Variants in SEM1 observed in about 807,000 individuals in gnomAD.
SEM1 encodes 26S proteasome complex subunit SEM1.
A neutral mutation model predicts 12.7 loss-of-function variants in SEM1; 3 were observed. The observed-to-expected ratio is 0.24, with a 90% CI of 0.11 to 0.61. The LOEUF (loss-of-function observed/expected upper bound fraction) is 0.61, where lower values mean the gene tolerates loss of function less well. SEM1 is among the 20% of genes least tolerant of loss of function. The pLI, the probability that SEM1 is intolerant of heterozygous loss-of-function variation, is 0.88. For missense variants in SEM1, 59 were observed against 81.3 expected (o/e 0.73, Z 1.06); for synonymous variants, 30 against 27.8 (o/e 1.08, Z -0.25).
intron 2 of SEM1, among the ~76,000 whole-genome samples, chr7:96,538,944 A>G (rs889819016): frequency 4.0e-5 from 6 of 151,848 alleles, no homozygotes; most frequent in Non-Finnish European, 7.4e-5. Flanking sequence ...CAGATTTTCA[A>G]TGTGAGAACC....
chr7:96,670,175 AAAT>A (rs1470498249), downstream of SEM1, among the ~76,000 whole-genome samples: 8 of 152,204 alleles, frequency 5.3e-5, no homozygotes, highest in African/African-American at 1.9e-4. Flanking sequence ...TATTACTAAT[AAAT>A]AACAAAATCT....
At chr7:96,561,489 C>T (rs1429564258) in intron 2 of SEM1, among the ~76,000 whole-genome samples, 1 of 152,198 alleles carries the variant, frequency 6.6e-6, no homozygotes, top group African/African-American at 2.4e-5. Flanking sequence ...ATGGCAGAGG[C>T]TCTCAAACCT....
chr7:96,498,016 G>A (rs1271395398), upstream of SEM1, among the ~76,000 whole-genome samples: 1 of 152,126 alleles, frequency 6.6e-6, no homozygotes, highest in African/African-American at 2.4e-5. Flanking sequence ...AGTAATAATT[G>A]CTAAAATTTA....
chr7:96,706,489 G>C (rs975006796), intron 1 of SEM1: 4 of 150,092 alleles, frequency 2.7e-5, no homozygotes, highest in African/African-American at 9.8e-5. Flanking sequence ...TTGAACCCAG[G>C]AGGTGGAGGT....
intron 2 of SEM1, among the ~76,000 whole-genome samples, chr7:96,510,551 C>T (rs1214912003): frequency 6.6e-6 from 1 of 152,116 alleles, no homozygotes; most frequent in African/African-American, 2.4e-5. Flanking sequence ...CTGACCAAAG[C>T]ATGGTTATGT....
In SEM1 at chr7:96,643,281, C is replaced by T. The variant is rs546695920; in HGVS notation, c.171-20638G>A. On this transcript the variant is annotated intron_variant, in intron 2 of 2. Transcript: ENST00000417009. ...TCCATGTTCCTGCAAAGGGCATGAT[C>T]TCATTCTTTTGTATGGCTGCATGGT... Among the ~76,000 whole-genome samples, 7 of 152,228 alleles carry T rather than the reference C, an allele frequency of 4.6e-5. No homozygotes were observed. The South Asian group carries it at 1.4e-3, about 32-fold the overall frequency.
At chr7:96,673,914 G>A in intron 2 of SEM1, 4 of 751,142 alleles carry the variant, frequency 5.3e-6, no homozygotes, top group African/African-American at 1.7e-5. Context: ...ACTGTGATCT[G>A]TGGGCTGCTT....
chr7:96,585,925 C>G (rs887626039), intron 2 of SEM1, among the ~76,000 whole-genome samples: 3 of 152,222 alleles, frequency 2.0e-5, no homozygotes, highest in African/African-American at 7.2e-5. Context: ...AATCACCCGT[C>G]TTCTGCATCA....
intron 2 of SEM1, among the ~76,000 whole-genome samples, chr7:96,529,402 A>G (rs1804573094): frequency 6.6e-6 from 1 of 152,160 alleles, no homozygotes; most frequent in Non-Finnish European, 1.5e-5. Context: ...TAATAACACC[A>G]TTGTGTATTT....
intron 2 of SEM1, among the ~76,000 whole-genome samples, chr7:96,554,843 G>T (rs1245409707): frequency 6.6e-6 from 1 of 151,028 alleles, no homozygotes; most frequent in African/African-American, 2.4e-5. Flanking sequence ...TTTTTGGTTG[G>T]TAAGCTATTG....
downstream of SEM1, among the ~76,000 whole-genome samples, chr7:96,684,049 G>A (rs944575243): frequency 3.3e-5 from 5 of 151,890 alleles, no homozygotes; most frequent in South Asian, 2.1e-4. Context: ...AAATAAGGAC[G>A]TTTGTAGGCT....
intron 2 of SEM1, chr7:96,650,542 G>T: frequency 1.3e-6 from 1 of 744,260 alleles, no homozygotes; most frequent in Non-Finnish European, 2.5e-6. Context: ...AGGAGAGAAA[G>T]ATAAGAAATT....
At chr7:96,551,270 T>C (rs1805261113) in intron 2 of SEM1, among the ~76,000 whole-genome samples, 1 of 152,168 alleles carries the variant, frequency 6.6e-6, no homozygotes, top group South Asian at 2.1e-4. Context: ...CCCATTCCCC[T>C]AAAGATATGT....
intron 2 of SEM1, among the ~76,000 whole-genome samples, chr7:96,587,825 C>T (rs1296839506): frequency 6.6e-6 from 1 of 152,052 alleles, no homozygotes; most frequent in Non-Finnish European, 1.5e-5. Context: ...ATGTAATATA[C>T]TCACATATTA....
intron 2 of SEM1, among the ~76,000 whole-genome samples, chr7:96,557,553 T>C (rs192211382): frequency 0.12 from 8,738 of 70,488 alleles, 1,676 homozygotes; most frequent in African/African-American, 0.28. Flanking sequence ...CCCGTTCTCG[T>C]ATTTCCAGCT....
At chr7:96,619,628 G>GTA (rs922811493), downstream of SEM1, among the ~76,000 whole-genome samples, 5 of 152,070 alleles carry the variant, frequency 3.3e-5, no homozygotes, top group Non-Finnish European at 7.4e-5. Flanking sequence ...ATGTGGGTGT[G>GTA]TTCTCAGACC....
rs149454260 is a variant in SEM1, at chr7:96,538,599, A to G, written c.171-31901T>C. On this transcript the variant is annotated intron_variant and NMD_transcript_variant, in intron 2 of 3. Transcript: ENST00000466986. ...TCTATGTCTTGCAGCTCTTTCAGCT[A>G]TGATCTACTATTATACTGAAGCCCT... Among the ~76,000 whole-genome samples the G allele has an allele frequency of 2.6e-5, 4 of 151,978 alleles. No homozygotes were observed. In the East Asian group the frequency reaches 7.8e-4, roughly 29 times the overall value.
chr7:96,677,243 A>G (rs1290836238), intron 2 of SEM1, among the ~76,000 whole-genome samples: 1 of 152,178 alleles, frequency 6.6e-6, no homozygotes, highest in South Asian at 2.1e-4. Flanking sequence ...GGAGAAGATA[A>G]TCGAGAGAAG....
chr7:96,683,061 T>C (rs1789662557), intron 2 of SEM1, among the ~76,000 whole-genome samples: 1 of 151,964 alleles, frequency 6.6e-6, no homozygotes. Context: ...AAACAACAGA[T>C]GCTGGAGAGG....
Sources: gnomAD v4.1 joint callset for allele counts (sites outside exome capture counted in the v4.1 genomes callset) on GRCh38, gnomAD v4.1.1 for gene constraint, MANE v1.5 for transcripts, NCBI Gene and HGNC (gene_info 2026-07-23, HGNC 2026-07-21) for gene names.